SYT16: variants seen among roughly 807,000 people sequenced by gnomAD.
SYT16 encodes the protein synaptotagmin 16, also known as synaptotagmin-16.
Under a neutral mutation model 61.4 loss-of-function variants are expected in SYT16, and 42 were observed. The observed-to-expected ratio is 0.68, with a 90% CI of 0.53 to 0.89. The LOEUF (loss-of-function observed/expected upper bound fraction) is 0.89, where lower values mean the gene tolerates loss of function less well. Among genes scored for constraint, SYT16 ranks in the 40% least tolerant of loss-of-function variants. The pLI, the probability that SYT16 is intolerant of heterozygous loss-of-function variation, is 0.00. For missense variants in SYT16, 804 were observed against 807.3 expected (o/e 1.00, Z 0.05); for synonymous variants, 314 against 302.3 (o/e 1.04, Z -0.40).
rs189953587 is a variant in SYT16, at chr14:62,088,561, A to C, written c.1624+4176A>C. ...GGATGTGAGTTAAATGGATGTATGC[A>C]TTTGTCAGAAGTTGGTGAATGGCAC... On this transcript the variant is annotated intron_variant, in intron 7 of 7. Transcript: ENST00000683842. Among the ~76,000 whole-genome samples, 18 of 152,282 alleles carry C rather than the reference A, an allele frequency of 1.2e-4. No individual in the cohort carries two copies. The East Asian group carries it at 3.1e-3, about 26-fold the overall frequency.
At chr14:61,915,719 C>T (rs1037418270) in intron 1 of SYT16, among the ~76,000 whole-genome samples, 2 of 152,162 alleles carry the variant, frequency 1.3e-5, no homozygotes, top group African/African-American at 4.8e-5. Flanking sequence ...AAAATTGCTC[C>T]TGTGTGTTGG....
intron 3 of SYT16, among the ~76,000 whole-genome samples, chr14:62,058,311 T>C (rs540819722): frequency 1.3e-5 from 2 of 151,890 alleles, no homozygotes; most frequent in South Asian, 2.1e-4. Flanking sequence ...GGCTAGGTTA[T>C]ATGGTCAAAT....
At chr14:61,866,271 A>T (rs939069384) in intron 1 of SYT16, among the ~76,000 whole-genome samples, 1 of 152,148 alleles carries the variant, frequency 6.6e-6, no homozygotes, top group Non-Finnish European at 1.5e-5. Context: ...GTAGATGGGT[A>T]CACATTTAGC....
chr14:61,896,475 G>C (rs960278889), intron 1 of SYT16, among the ~76,000 whole-genome samples: 1 of 152,178 alleles, frequency 6.6e-6, no homozygotes, highest in African/African-American at 2.4e-5. Flanking sequence ...CTAGTTGAAG[G>C]CTCAAGTATA....
At chr14:61,966,650 C>T (rs1480962597) in intron 1 of SYT16, among the ~76,000 whole-genome samples, 2 of 152,118 alleles carry the variant, frequency 1.3e-5, no homozygotes, top group African/African-American at 4.8e-5. Flanking sequence ...TAATGAGTTT[C>T]ATGCTGCTTT....
chr14:62,013,906 G>A (rs948957123), intron 3 of SYT16, among the ~76,000 whole-genome samples: 3 of 151,906 alleles, frequency 2.0e-5, no homozygotes, highest in African/African-American at 7.3e-5. Flanking sequence ...GGAGGTTGCC[G>A]TGAGCCGAGA....
intron 3 of SYT16, among the ~76,000 whole-genome samples, chr14:62,058,340 CTTTTTTT>C (rs796187620): frequency 2.8e-5 from 3 of 109,028 alleles, no homozygotes; most frequent in Non-Finnish European, 3.7e-5. Context: ...TGTTTAAATT[CTTTTTTT>C]TTTTTTTTTT....
chr14:62,051,565 C>T (rs570977166), intron 3 of SYT16, among the ~76,000 whole-genome samples: 27 of 152,240 alleles, frequency 1.8e-4, no homozygotes, highest in Non-Finnish European at 2.9e-4. Flanking sequence ...GCATCAGTCA[C>T]GCTAGGAGCT....
chr14:62,055,841 A>G (rs1275965511), intron 3 of SYT16, among the ~76,000 whole-genome samples: 5 of 152,318 alleles, frequency 3.3e-5, no homozygotes, highest in South Asian at 4.1e-4. Context: ...GCAATAGGCT[A>G]TCTGCAAGCT....
chr14:61,929,483 C>A (rs141376006), intron 1 of SYT16, among the ~76,000 whole-genome samples: 1 of 152,168 alleles, frequency 6.6e-6, no homozygotes, highest in Non-Finnish European at 1.5e-5. Context: ...AGCAACACCC[C>A]GCTGCCTCTT....
chr14:61,963,140 A>G (rs532809734), intron 1 of SYT16, among the ~76,000 whole-genome samples: 8 of 152,240 alleles, frequency 5.3e-5, no homozygotes, highest in African/African-American at 1.9e-4. Flanking sequence ...TCCTTGAGAC[A>G]CAACAATATT....
chr14:61,922,487 C>T (rs2049370466), intron 1 of SYT16, among the ~76,000 whole-genome samples: 1 of 152,122 alleles, frequency 6.6e-6, no homozygotes, highest in Non-Finnish European at 1.5e-5. Context: ...ATAATGAGAA[C>T]TCATGGACAC....
chr14:61,947,496 A>G (rs367816891), intron 1 of SYT16, among the ~76,000 whole-genome samples: 16 of 152,118 alleles, frequency 1.1e-4, no homozygotes, highest in East Asian at 9.6e-4. Flanking sequence ...AGGACACACT[A>G]CTTATGGGAT....
intron 1 of SYT16, among the ~76,000 whole-genome samples, chr14:61,872,309 T>C (rs2047356926): frequency 6.6e-6 from 1 of 152,204 alleles, no homozygotes; most frequent in Non-Finnish European, 1.5e-5. Flanking sequence ...TTTCATATAA[T>C]GTGTAAAGAT....
intron 7 of SYT16, among the ~76,000 whole-genome samples, chr14:62,086,273 G>A (rs1162722751): frequency 1.3e-5 from 2 of 152,166 alleles, no homozygotes; most frequent in East Asian, 1.9e-4. Context: ...CAGGCCAGGG[G>A]TTTGAGACCA....
At chr14:62,096,976 C>T (rs762909671) in intron 7 of SYT16, among the ~76,000 whole-genome samples, 2 of 152,080 alleles carry the variant, frequency 1.3e-5, no homozygotes, top group African/African-American at 2.4e-5. Flanking sequence ...TTCCCTTACC[C>T]TGTATCCCAG....
At chr14:61,927,269 A>G (rs2049576204) in intron 1 of SYT16, among the ~76,000 whole-genome samples, 1 of 152,228 alleles carries the variant, frequency 6.6e-6, no homozygotes, top group Non-Finnish European at 1.5e-5. Flanking sequence ...AATACTTGGG[A>G]AGTAATCTAT....
At chr14:61,905,523 G>C (rs1356300760) in intron 1 of SYT16, among the ~76,000 whole-genome samples, 1 of 152,200 alleles carries the variant, frequency 6.6e-6, no homozygotes, top group Non-Finnish European at 1.5e-5. Context: ...CTGACCAGTG[G>C]AGTGTGGCTG....
chr14:62,048,949 T>G (rs1378443662), intron 3 of SYT16, among the ~76,000 whole-genome samples: 3 of 152,224 alleles, frequency 2.0e-5, no homozygotes, highest in East Asian at 1.9e-4. Flanking sequence ...GAATGTATAT[T>G]CTGTTGATCT....
Sources: gnomAD v4.1 joint callset for allele counts (sites outside exome capture counted in the v4.1 genomes callset) on GRCh38, gnomAD v4.1.1 for gene constraint, MANE v1.5 for transcripts, NCBI Gene and HGNC (gene_info 2026-07-23, HGNC 2026-07-21) for gene names.